Variants in NTAQ1 observed in about 807,000 individuals in gnomAD.
NTAQ1 encodes protein N-terminal glutamine amidohydrolase.
Under a neutral mutation model 28.2 loss-of-function variants are expected in NTAQ1, and 21 were observed. The ratio of observed to expected loss-of-function variants is 0.74; its 90% CI spans 0.53 to 1.07. The LOEUF is 1.07. NTAQ1 is among the 50% of genes least tolerant of loss of function. NTAQ1 has a pLI of 0.00. For missense variants in NTAQ1, 264 were observed against 256.6 expected, an observed-to-expected ratio of 1.03 and a Z score of -0.20; for synonymous variants, 105 against 90.0, an observed-to-expected ratio of 1.17 and a Z score of -0.94.
intron 6 of NTAQ1, among the ~76,000 whole-genome samples, chr8:123,454,319 A>G (rs1265030781): frequency 2.0e-5 from 3 of 152,190 alleles, no homozygotes; most frequent in South Asian, 2.1e-4. Context: ...AAGTTCTGCT[A>G]TAATTGCTCC....
chr8:123,446,252 C>A (rs913786720), downstream of NTAQ1, among the ~76,000 whole-genome samples: 9 of 150,684 alleles, frequency 6.0e-5, 1 homozygote, highest in Non-Finnish European at 1.3e-4. Flanking sequence ...TGATTCCCCC[C>A]ACCTCAGCCT....
rs1378155956 is a variant in NTAQ1, at chr8:123,441,658, G to A, written c.*243G>A. ...GCTAAGATATTCCTGTGGCTCATGC[G>A]TTACAACACGAGGACTTAAGCCAGT... On this transcript the variant is annotated 3_prime_UTR_variant, in exon 6 of 6. Transcript: ENST00000287387. 7 of 491,234 alleles carry A rather than the reference G, an allele frequency of 1.4e-5. No individual in the cohort carries two copies. The highest frequency in any genetic ancestry group is 3.3e-5 in the Admixed American group (1 of 29,946). The allele number at this position is 491,234 out of a possible 1,614,324, so 30.4% of individuals were successfully genotyped here.
chr8:123,464,219 G>A (rs1440369419), intron 6 of NTAQ1, among the ~76,000 whole-genome samples: 1 of 152,170 alleles, frequency 6.6e-6, no homozygotes, highest in East Asian at 1.9e-4. Flanking sequence ...GAGCAAGGAG[G>A]CTGGGTCTTT....
chr8:123,427,920 T>C lies in NTAQ1; in HGVS notation c.84-4T>C. ...ATCTTGATTAAACAATTATTTTATT[T>C]CAGTGAAGAAAATATTTGGAAGCTC... On this transcript the variant is annotated splice_polypyrimidine_tract_variant and splice_region_variant and intron_variant, in intron 1 of 5. Coordinates refer to ENST00000287387, the MANE Select transcript of NTAQ1 (RefSeq NM_018024.3). The C allele has an allele frequency of 1.3e-6, 2 of 1,579,594 alleles. No individual in the cohort carries two copies. The highest frequency in any genetic ancestry group is 1.7e-6 in the Non-Finnish European group (2 of 1,159,400).
chr8:123,449,927 A>ATGTGTG (rs1341187426), downstream of NTAQ1, among the ~76,000 whole-genome samples: 24 of 44,866 alleles, frequency 5.3e-4, 1 homozygote, highest in African/African-American at 1.3e-3. Flanking sequence ...GTGTATATAT[A>ATGTGTG]TATGTGTGTG....
downstream of NTAQ1, among the ~76,000 whole-genome samples, chr8:123,452,178 C>G (rs182829640): frequency 1.0e-3 from 153 of 152,340 alleles, 1 homozygote; most frequent in South Asian, 6.2e-4. Context: ...CCCCTTTGCT[C>G]CAAGCTGACC....
At chr8:123,424,115 C>T (rs1315450851) in intron 1 of NTAQ1, among the ~76,000 whole-genome samples, 1 of 140,136 alleles carries the variant, frequency 7.1e-6, no homozygotes, top group Non-Finnish European at 1.5e-5. Context: ...CTCTGTCACC[C>T]AGGCTGGAGT....
At chr8:123,456,806 G>T (rs181668335) in intron 6 of NTAQ1, among the ~76,000 whole-genome samples, 119 of 152,180 alleles carry the variant, frequency 7.8e-4, no homozygotes, top group African/African-American at 2.6e-3. Flanking sequence ...TTCTGTGGAG[G>T]ACAATCCAGA....
chr8:123,433,803 T>G (rs1814535454), intron 3 of NTAQ1, among the ~76,000 whole-genome samples: 3 of 152,216 alleles, frequency 2.0e-5, no homozygotes, highest in African/African-American at 7.2e-5. Flanking sequence ...CTAGCAGCAC[T>G]ATGAGGTAGA....
rs1814832769 is a variant in NTAQ1, at chr8:123,438,042, T to G, written c.508+708T>G. On this transcript the variant is annotated intron_variant, in intron 5 of 5. Transcript: ENST00000287387. ...CATTGCATCCTTATGATGTGTGAAA[T>G]GTCACTTTGGCTATATAATAAAATC... 1.3e-5 allele frequency: 8 copies of G among 624,038 alleles called. No individual in the cohort carries two copies. In the South Asian group the frequency reaches 1.5e-4, roughly 11 times the overall value. The allele number at this position is 624,038 out of a possible 1,614,324, so 38.7% of individuals were successfully genotyped here.
Position 123,427,942 on chromosome 8 carries a change from G to A in NTAQ1, c.102G>A (p.Lys34=), listed in dbSNP as rs769223741. ...ATTTCAGTGAAGAAAATATTTGGAA[G>A]CTCTGTGAATACATCAAAAACCATG... ...SSCYCEENIW[K]LCEYIKNHDQ... Residue 34 remains lysine, a synonymous_variant, in exon 2 of 6, where the codon AAG becomes AAA. Transcript: ENST00000287387. The A allele has an allele frequency of 6.2e-6, 10 of 1,606,034 alleles. No individual in the cohort carries two copies. In the South Asian group the frequency reaches 1.1e-4, roughly 18 times the overall value.
intron 1 of NTAQ1, among the ~76,000 whole-genome samples, chr8:123,422,780 T>C (rs1180488663): frequency 1.3e-5 from 2 of 152,120 alleles, no homozygotes; most frequent in Non-Finnish European, 2.9e-5. Context: ...TTTTAGGTAT[T>C]ACATTTAAGT....
intron 1 of NTAQ1, among the ~76,000 whole-genome samples, chr8:123,421,156 T>G (rs1003878361): frequency 3.9e-5 from 6 of 152,134 alleles, no homozygotes; most frequent in African/African-American, 1.2e-4. Flanking sequence ...CAATCATGGC[T>G]CACTGCAGCC....
chr8:123,438,012 A>C (rs1446364693), intron 5 of NTAQ1: 2 of 586,550 alleles, frequency 3.4e-6, no homozygotes, highest in Non-Finnish European at 6.1e-6. Context: ...GGTGAAAGAA[A>C]TCCCCATTGC....
At chr8:123,428,049 G>C in intron 2 of NTAQ1, 26 bp downstream of exon 2, 1 of 1,463,346 alleles carries the variant, frequency 6.8e-7, no homozygotes, top group Non-Finnish European at 9.3e-7. Flanking sequence ...ATTGCAGAAA[G>C]AAAACAAGAG....
At chr8:123,452,613 T>C (rs1815534153), downstream of NTAQ1, among the ~76,000 whole-genome samples, 2 of 145,294 alleles carry the variant, frequency 1.4e-5, no homozygotes, top group Non-Finnish European at 3.0e-5. Flanking sequence ...AAAATAAAAT[T>C]TTAAAAGGCT....
At chr8:123,432,812 C>G (rs1273872398) in intron 3 of NTAQ1, among the ~76,000 whole-genome samples, 2 of 151,828 alleles carry the variant, frequency 1.3e-5, no homozygotes, top group African/African-American at 2.4e-5. Context: ...TCCCGAGTAG[C>G]TGGAATTACA....
chr8:123,418,570 A>G (rs1228922779), intron 1 of NTAQ1, among the ~76,000 whole-genome samples: 2 of 152,202 alleles, frequency 1.3e-5, no homozygotes, highest in African/African-American at 2.4e-5. Context: ...TTTTGAGAAG[A>G]CATTGTTGAT....
At chr8:123,462,811 TTGA>T (rs1474072496) in intron 6 of NTAQ1, among the ~76,000 whole-genome samples, 1 of 152,180 alleles carries the variant, frequency 6.6e-6, no homozygotes, top group Non-Finnish European at 1.5e-5. Flanking sequence ...TTCACCAGAA[TTGA>T]AACTCAAGAT....
Sources: allele counts gnomAD v4.1 joint callset (sites outside exome capture counted in the v4.1 genomes callset), GRCh38; gene constraint gnomAD v4.1.1; transcripts MANE v1.5; gene names NCBI Gene and HGNC (gene_info 2026-07-23, HGNC 2026-07-21).